ADK: variants seen among roughly 807,000 people sequenced by gnomAD.
The protein encoded by ADK is adenosine kinase.
ADK carries 24 observed loss-of-function variants against 44.7 expected under a neutral mutation model. The observed-to-expected ratio is 0.54, with a 90% CI of 0.39 to 0.76. ADK has a LOEUF of 0.76. ADK is among the 30% of genes least tolerant of loss of function. The pLI, the probability that ADK is intolerant of heterozygous loss-of-function variation, is 0.00. For missense variants in ADK, 321 were observed against 425.1 expected (o/e 0.76, Z 2.15); for synonymous variants, 128 against 142.6 (o/e 0.90, Z 0.73).
At chr10:74,662,591 A>G (rs1232148499) in intron 9 of ADK, among the ~76,000 whole-genome samples, 2 of 152,154 alleles carry the variant, frequency 1.3e-5, no homozygotes, top group Non-Finnish European at 2.9e-5. Context: ...ATATTTTCAT[A>G]TCAAAGATGA....
chr10:74,617,661 T>C (rs1361002542), intron 9 of ADK, among the ~76,000 whole-genome samples: 1 of 152,132 alleles, frequency 6.6e-6, no homozygotes, highest in Admixed American at 6.6e-5. Context: ...AGTGGTGCTC[T>C]CCAGGCTCAC....
intron 7 of ADK, among the ~76,000 whole-genome samples, chr10:74,553,382 G>A (rs1850115048): frequency 6.6e-6 from 1 of 151,668 alleles, no homozygotes; most frequent in Non-Finnish European, 1.5e-5. Flanking sequence ...TGTATTTGTA[G>A]TAGAGATGGG....
chr10:74,371,242 G>A (rs1842648112), intron 4 of ADK, among the ~76,000 whole-genome samples: 1 of 152,102 alleles, frequency 6.6e-6, no homozygotes, highest in African/African-American at 2.4e-5. Flanking sequence ...TTCTTCTTAG[G>A]GTGAGAAAAT....
chr10:74,667,572 G>A (rs535729383), intron 9 of ADK, among the ~76,000 whole-genome samples: 4 of 147,796 alleles, frequency 2.7e-5, no homozygotes, highest in African/African-American at 1.0e-4. Flanking sequence ...TCACTCTGTC[G>A]CCCAGGCTGG....
intron 1 of ADK, among the ~76,000 whole-genome samples, chr10:74,152,404 A>G (rs1380945222): frequency 6.6e-6 from 1 of 152,186 alleles, no homozygotes; most frequent in Non-Finnish European, 1.5e-5. Context: ...AGGATATTCT[A>G]TTTTTATTTT....
intron 3 of ADK, among the ~76,000 whole-genome samples, chr10:74,235,492 T>C (rs773083752): frequency 4.1e-4 from 62 of 152,022 alleles, no homozygotes; most frequent in Non-Finnish European, 7.2e-4. Flanking sequence ...TTAGTAGAGA[T>C]GGGGTTTTGC....
At chr10:74,366,453 T>C (rs1287692527) in intron 4 of ADK, among the ~76,000 whole-genome samples, 7 of 152,350 alleles carry the variant, frequency 4.6e-5, no homozygotes, top group Admixed American at 3.3e-4. Context: ...TTTTTTGCTT[T>C]CTTTTTAACA....
chr10:74,608,449 A>C (rs781316098), intron 9 of ADK, among the ~76,000 whole-genome samples: 6 of 152,036 alleles, frequency 3.9e-5, no homozygotes, highest in Non-Finnish European at 7.4e-5. Flanking sequence ...TGTTGGTGCT[A>C]TTCCTTTCTG....
intron 7 of ADK, among the ~76,000 whole-genome samples, chr10:74,543,727 G>A (rs945701304): frequency 1.3e-5 from 2 of 152,276 alleles, no homozygotes; most frequent in Middle Eastern, 6.8e-3. Context: ...TTCACTAGAA[G>A]CATGTAAAAT....
In ADK at chr10:74,201,804, G is replaced by A. The variant is rs185553068; in HGVS notation, c.140+966G>A. ...ACAATGCATCTACCTCGGATAACGG[G>A]GGCACTACTATATGGCAAATTTAAG... On this transcript the variant is annotated intron_variant, in intron 2 of 10. Coordinates refer to ENST00000539909, the MANE Select transcript of ADK (RefSeq NM_006721.4). 2.4e-3 allele frequency among the ~76,000 whole-genome samples: 358 copies of A among 151,786 alleles called. 1 individual carries two copies. Among genetic ancestry groups the A allele is most frequent in the African/African-American group, 7.6e-3 (316 of 41,376 alleles).
At chr10:74,501,840 A>C (rs73272274) in intron 6 of ADK, among the ~76,000 whole-genome samples, 1 of 152,110 alleles carries the variant, frequency 6.6e-6, no homozygotes, top group East Asian at 1.9e-4. Context: ...GTTGCCAGGG[A>C]CTTGTGGGGA....
chr10:74,575,556 T>G (rs569396730), intron 7 of ADK, among the ~76,000 whole-genome samples: 5 of 152,280 alleles, frequency 3.3e-5, no homozygotes, highest in Admixed American at 3.3e-4. Flanking sequence ...TACCTACATG[T>G]GCGAGGCAGC....
At chr10:74,300,892 T>G (rs1840008808) in intron 3 of ADK, among the ~76,000 whole-genome samples, 1 of 152,252 alleles carries the variant, frequency 6.6e-6, no homozygotes, top group South Asian at 2.1e-4. Flanking sequence ...CAAACTATAG[T>G]TTTAGCAATA....
chr10:74,525,799 C>G (rs999668836), intron 7 of ADK, among the ~76,000 whole-genome samples: 5 of 151,960 alleles, frequency 3.3e-5, no homozygotes, highest in Non-Finnish European at 5.9e-5. Context: ...GGGTTATAGG[C>G]GCATGCCACC....
intron 4 of ADK, among the ~76,000 whole-genome samples, chr10:74,361,796 T>G (rs1842344358): frequency 6.6e-6 from 1 of 152,238 alleles, no homozygotes; most frequent in African/African-American, 2.4e-5. Context: ...AAGTCTTTAT[T>G]TCTCCTTCAG....
chr10:74,190,240 TA>T (rs1842914117), intron 1 of ADK, among the ~76,000 whole-genome samples: 2 of 152,250 alleles, frequency 1.3e-5, no homozygotes, highest in African/African-American at 4.8e-5. Flanking sequence ...TTCTTGTCAA[TA>T]CTTGTTACTG....
intron 7 of ADK, among the ~76,000 whole-genome samples, chr10:74,564,154 T>G (rs1279751698): frequency 6.6e-6 from 1 of 151,964 alleles, no homozygotes; most frequent in Non-Finnish European, 1.5e-5. Flanking sequence ...TTTGGTTTTT[T>G]GTTCTTGGGA....
chr10:74,429,731 T>A (rs1431567989), intron 6 of ADK, among the ~76,000 whole-genome samples: 3 of 152,166 alleles, frequency 2.0e-5, no homozygotes, highest in African/African-American at 7.2e-5. Flanking sequence ...ACTCTCAAAC[T>A]TGGATATCCA....
At chr10:74,195,367 A>ATG (rs1302009643) in intron 1 of ADK, among the ~76,000 whole-genome samples, 1 of 152,232 alleles carries the variant, frequency 6.6e-6, no homozygotes, top group Non-Finnish European at 1.5e-5. Flanking sequence ...AATCTCAATT[A>ATG]TGTGCAGTGA....
Sources: gnomAD v4.1 joint callset for allele counts (sites outside exome capture counted in the v4.1 genomes callset) on GRCh38, gnomAD v4.1.1 for gene constraint, MANE v1.5 for transcripts, NCBI Gene and HGNC (gene_info 2026-07-23, HGNC 2026-07-21) for gene names.